CLDN14: variants seen among roughly 807,000 people sequenced by gnomAD.
CLDN14 encodes claudin 14, also known as claudin-14.
A neutral mutation model predicts 2.1 loss-of-function variants in CLDN14; 2 were observed. The observed-to-expected ratio is 0.96, with a 90% CI of 0.39 to 3.01. CLDN14 has a LOEUF of 3.01. CLDN14 is among the 30% of genes most tolerant of loss of function. CLDN14 has a pLI of 0.09. For missense variants in CLDN14, 298 were observed against 328.0 expected (o/e 0.91, Z 0.71); for synonymous variants, 136 against 154.4 (o/e 0.88, Z 0.88).
intron 1 of CLDN14, among the ~76,000 whole-genome samples, chr21:36,536,006 G>A (rs571914247): frequency 2.4e-4 from 37 of 152,290 alleles, no homozygotes; most frequent in African/African-American, 8.4e-4. Context: ...ATCTGTAAAC[G>A]TTCTCCAGGG....
intron 2 of CLDN14, among the ~76,000 whole-genome samples, chr21:36,501,273 T>C (rs1209816551): frequency 2.0e-5 from 3 of 148,094 alleles, no homozygotes; most frequent in Non-Finnish European, 4.5e-5. Context: ...CCTGTTTATA[T>C]TGCCACATCT....
chr21:36,553,772 C>T (rs1209326336), intron 1 of CLDN14, among the ~76,000 whole-genome samples: 1 of 152,116 alleles, frequency 6.6e-6, no homozygotes, highest in Non-Finnish European at 1.5e-5. Flanking sequence ...TTCTTACTCC[C>T]CTTTATGGTG....
At chr21:36,463,420 A>G (rs2086604900) in intron 1 of CLDN14, among the ~76,000 whole-genome samples, 1 of 152,264 alleles carries the variant, frequency 6.6e-6, no homozygotes. Flanking sequence ...GACATTGTCA[A>G]GAAATCCCCA....
chr21:36,517,954 G>A (rs1017187416), intron 1 of CLDN14, among the ~76,000 whole-genome samples: 15 of 152,082 alleles, frequency 9.9e-5, no homozygotes, highest in East Asian at 1.9e-4. Context: ...GCCTTTGGGC[G>A]TCAATTGCAA....
At chr21:36,484,838 C>T (rs565475592), upstream of CLDN14, among the ~76,000 whole-genome samples, 6 of 152,126 alleles carry the variant, frequency 3.9e-5, no homozygotes, top group East Asian at 3.9e-4. Flanking sequence ...CTTGGCCTCC[C>T]GAGTGCTGGG....
intron 1 of CLDN14, among the ~76,000 whole-genome samples, chr21:36,474,527 T>C (rs2086750001): frequency 6.6e-6 from 1 of 152,196 alleles, no homozygotes; most frequent in South Asian, 2.1e-4. Context: ...TGTTATGTGT[T>C]ATATTACACA....
upstream of CLDN14, chr21:36,480,782 G>A (rs959488011): frequency 6.6e-6 from 1 of 152,114 alleles, no homozygotes; most frequent in Admixed American, 6.5e-5. Context: ...CAGGGCCAGG[G>A]ACTTACTTGG....
chr21:36,515,775 C>T (rs1601619737), intron 1 of CLDN14, among the ~76,000 whole-genome samples: 1 of 112,504 alleles, frequency 8.9e-6, no homozygotes. Flanking sequence ...AGCTGTGTTT[C>T]CCTTTTATCT....
rs879272826 is a variant in CLDN14 at position 36,499,162 on chromosome 21, G to A, written c.-82+11201C>T. ...AAGAAATAAGCCCAGAGCACACATC[G>A]GTTTTGTGGGGGCAATGAACCCCGC... On this transcript the variant is annotated intron_variant, in intron 2 of 2. Coordinates refer to the CLDN14 transcript ENST00000342108. The surrounding 1 kb of genome is among the most constrained non-coding windows in gnomAD (Gnocchi z 4.7). 6.6e-6 allele frequency among the ~76,000 whole-genome samples: 1 copy of A among 152,172 alleles called. No individual in the cohort carries two copies. The highest frequency in any genetic ancestry group is 1.5e-5 in the Non-Finnish European group (1 of 68,036).
At position 36,465,844 on chromosome 21, in the gene CLDN14, G is replaced by C. The variant is rs138790694; in HGVS notation, c.-81-4068C>G. Among the ~76,000 whole-genome samples, 657 of 152,328 alleles carry C rather than the reference G, an allele frequency of 4.3e-3. 4 individuals are homozygous for C. The highest frequency in any genetic ancestry group is 6.8e-3 in the Middle Eastern group (2 of 294). Reference sequence around the variant, plus strand: ...AAGCATCAAGCTCTAGAAAGCCCTCGACAGGCTGAGTAGTGGTGGGAAGGC... The same window carrying C: ...AAGCATCAAGCTCTAGAAAGCCCTCCACAGGCTGAGTAGTGGTGGGAAGGC... On this transcript the variant is annotated intron_variant, in intron 1 of 1. Coordinates refer to ENST00000399135, the MANE Select transcript of CLDN14 (RefSeq NM_001146079.2).
intron 2 of CLDN14, among the ~76,000 whole-genome samples, chr21:36,505,663 G>A (rs993830075): frequency 5.9e-5 from 9 of 152,182 alleles, no homozygotes; most frequent in Non-Finnish European, 1.2e-4. Flanking sequence ...TAGACAATCA[G>A]CCTAGCACTG....
intron 1 of CLDN14, among the ~76,000 whole-genome samples, chr21:36,535,734 A>T (rs1196667032): frequency 2.6e-5 from 4 of 152,082 alleles, no homozygotes; most frequent in African/African-American, 9.7e-5. Flanking sequence ...ATCATGGGGA[A>T]TTTTTTCTCT....
At chr21:36,571,686 G>A (rs187177189) in intron 1 of CLDN14, among the ~76,000 whole-genome samples, 85 of 152,236 alleles carry the variant, frequency 5.6e-4, no homozygotes, top group African/African-American at 1.9e-3. Context: ...GGAACGTAGC[G>A]CCTTTTGCAA....
At chr21:36,462,306 T>G (rs766443351) in intron 1 of CLDN14, among the ~76,000 whole-genome samples, 21 of 152,076 alleles carry the variant, frequency 1.4e-4, no homozygotes, top group Non-Finnish European at 2.4e-4. Flanking sequence ...ATTCCAGAGC[T>G]GGATGTGACC....
intron 1 of CLDN14, among the ~76,000 whole-genome samples, chr21:36,527,347 G>A (rs192842876): frequency 5.3e-5 from 8 of 152,288 alleles, no homozygotes; most frequent in African/African-American, 1.2e-4. Flanking sequence ...TTAGCTTAGC[G>A]CTACCCTCCA....
chr21:36,474,610 C>T (rs1440406135), intron 1 of CLDN14, among the ~76,000 whole-genome samples: 1 of 152,176 alleles, frequency 6.6e-6, no homozygotes, highest in African/African-American at 2.4e-5. Context: ...CAATCCCCAT[C>T]CCGCCACCCA....
At chr21:36,473,479 G>A (rs1218789928) in intron 1 of CLDN14, among the ~76,000 whole-genome samples, 1 of 152,202 alleles carries the variant, frequency 6.6e-6, no homozygotes, top group South Asian at 2.1e-4. Flanking sequence ...ATGCATATTC[G>A]ATTGGCTCTG....
At chr21:36,476,273 G>T (rs949886718) in intron 1 of CLDN14, among the ~76,000 whole-genome samples, 2 of 152,074 alleles carry the variant, frequency 1.3e-5, no homozygotes, top group Non-Finnish European at 2.9e-5. Flanking sequence ...TGGTTGGGGG[G>T]GTGGTTCTTT....
chr21:36,461,889 C>T lies in CLDN14; in HGVS notation c.-81-113G>A. 5 of 689,156 alleles carry T rather than the reference C, an allele frequency of 7.3e-6. No homozygotes were observed. In the South Asian group the frequency reaches 9.5e-5, roughly 13 times the overall value. 42.7% of individuals were successfully genotyped at this position (689,156 alleles called of 1,614,324 possible). A position where few individuals can be genotyped will look rare whatever the true frequency, so the allele number is the denominator to read the frequency against. ...AGTTTTTCATAGGTGGTTGGTGTGG[C>T]AATTAGCATGTTCTCAAAAATAGTT... is the stretch of plus-strand genomic sequence containing the variant. On this transcript the variant is annotated intron_variant, in intron 1 of 1. Coordinates refer to ENST00000399135, the MANE Select transcript of CLDN14 (RefSeq NM_001146079.2).
Sources: gnomAD v4.1 joint callset for allele counts (sites outside exome capture counted in the v4.1 genomes callset) on GRCh38, gnomAD v4.1.1 for gene constraint, Gnocchi (gnomAD v3.1) non-coding constraint, MANE v1.5 for transcripts, NCBI Gene and HGNC (gene_info 2026-07-23, HGNC 2026-07-21) for gene names.